Variants in TAFA2 observed in about 807,000 individuals in gnomAD.
TAFA2 encodes chemokine-like protein TAFA-2.
A neutral mutation model predicts 18.8 loss-of-function variants in TAFA2; 7 were observed. That is an observed-to-expected ratio of 0.37 (90% CI 0.21 to 0.70). The LOEUF (loss-of-function observed/expected upper bound fraction) is 0.70, where lower values mean the gene tolerates loss of function less well. Ranked by LOEUF, TAFA2 falls within the 30% of genes least tolerant of loss-of-function variation. The pLI is 0.53. For synonymous variants in TAFA2, 60 were observed against 54.2 expected (o/e 1.11, Z -0.47); for missense variants, 122 against 158.1 (o/e 0.77, Z 1.23).
intron 1 of TAFA2, among the ~76,000 whole-genome samples, chr12:62,008,788 C>A (rs1003807943): frequency 6.6e-6 from 1 of 152,156 alleles, no homozygotes; most frequent in African/African-American, 2.4e-5. Context: ...GGTGTTTTGA[C>A]AAATGCCTGA....
At chr12:61,962,302 C>A (rs779672230) in intron 1 of TAFA2, among the ~76,000 whole-genome samples, 1 of 151,974 alleles carries the variant, frequency 6.6e-6, no homozygotes, top group Non-Finnish European at 1.5e-5. Context: ...TTATTTTATA[C>A]ATTAAAGGCT....
intron 1 of TAFA2, among the ~76,000 whole-genome samples, chr12:62,168,914 A>C (rs2062457781): frequency 6.7e-6 from 1 of 149,186 alleles, no homozygotes; most frequent in African/African-American, 2.5e-5. Context: ...AATTGAAACA[A>C]GCACTCACTC....
At chr12:61,724,752 T>C (rs1323776330) in intron 4 of TAFA2, among the ~76,000 whole-genome samples, 2 of 34,042 alleles carry the variant, frequency 5.9e-5, no homozygotes, top group African/African-American at 1.6e-4. Flanking sequence ...GGTATGTCTA[T>C]GTGTGTGTGT....
chr12:61,842,545 T>A (rs1465133062), intron 2 of TAFA2, among the ~76,000 whole-genome samples: 1 of 151,952 alleles, frequency 6.6e-6, no homozygotes, highest in East Asian at 1.9e-4. Flanking sequence ...TTTATAATGA[T>A]CCCATTTAAA....
intron 2 of TAFA2, among the ~76,000 whole-genome samples, chr12:61,815,181 TAG>T (rs1872028409): frequency 6.6e-6 from 1 of 151,462 alleles, no homozygotes; most frequent in Non-Finnish European, 1.5e-5. Context: ...ATATATTTTC[TAG>T]GAAGATAGGC....
intron 2 of TAFA2, among the ~76,000 whole-genome samples, chr12:61,837,483 A>G (rs1872982266): frequency 6.6e-6 from 1 of 152,042 alleles, no homozygotes; most frequent in South Asian, 2.1e-4. Context: ...CCCTTGGTGT[A>G]GACAGCATGT....
rs917551155 is a variant in TAFA2, at chr12:62,191,729, G to A, written c.-472C>T. On this transcript the variant is annotated 5_prime_UTR_variant, in exon 1 of 5. Transcript: ENST00000416284. ...GGACTGCAAGAATCAAGGCGGTCTTGCTGCAATTACCGCTCTTATTCCATC... is the reference window on the plus strand; with the variant it reads ...GGACTGCAAGAATCAAGGCGGTCTTACTGCAATTACCGCTCTTATTCCATC... The A allele has an allele frequency of 6.6e-6, 1 of 152,238 alleles. No homozygotes were observed. The highest frequency in any genetic ancestry group is 1.5e-5 in the Non-Finnish European group (1 of 68,076). The allele number at this position is 152,238 out of a possible 1,614,324, so 9.4% of individuals were successfully genotyped here.
At chr12:61,906,805 T>C (rs547123939) in intron 1 of TAFA2, among the ~76,000 whole-genome samples, 1 of 152,266 alleles carries the variant, frequency 6.6e-6, no homozygotes, top group East Asian at 1.9e-4. Flanking sequence ...AGGAACTTGT[T>C]GGGAACTGGA....
At chr12:61,949,870 C>T (rs1205559764) in intron 1 of TAFA2, among the ~76,000 whole-genome samples, 1 of 152,110 alleles carries the variant, frequency 6.6e-6, no homozygotes, top group Non-Finnish European at 1.5e-5. Flanking sequence ...ATCTTCAAAA[C>T]TTTTTCATCT....
At chr12:62,141,150 A>G (rs2062236589) in intron 1 of TAFA2, among the ~76,000 whole-genome samples, 1 of 152,230 alleles carries the variant, frequency 6.6e-6, no homozygotes, top group Non-Finnish European at 1.5e-5. Context: ...TGCCTGAAAT[A>G]CCTTGAACAA....
intron 1 of TAFA2, among the ~76,000 whole-genome samples, chr12:62,156,717 T>A (rs892310529): frequency 6.6e-6 from 1 of 152,086 alleles, no homozygotes. Flanking sequence ...CAACCAGACA[T>A]CATATGCTCT....
intron 2 of TAFA2, among the ~76,000 whole-genome samples, chr12:61,785,359 G>T (rs927859131): frequency 1.4e-5 from 2 of 143,792 alleles, no homozygotes; most frequent in African/African-American, 2.6e-5. Context: ...GTGTGTGTGT[G>T]TTTGTGTGTG....
At chr12:62,231,976 AG>A (rs1180058390) in intron 1 of TAFA2, among the ~76,000 whole-genome samples, 70 of 152,280 alleles carry the variant, frequency 4.6e-4, no homozygotes, top group Non-Finnish European at 1.0e-4. Flanking sequence ...CAAAGATTAC[AG>A]GCCTGATCTT....
At chr12:62,048,458 T>C (rs1881966020) in intron 1 of TAFA2, among the ~76,000 whole-genome samples, 2 of 152,180 alleles carry the variant, frequency 1.3e-5, no homozygotes, top group South Asian at 4.1e-4. Context: ...ATTCTGGGGA[T>C]TTTAATTCAA....
At chr12:62,017,451 T>C (rs1188652551) in intron 1 of TAFA2, among the ~76,000 whole-genome samples, 1 of 152,158 alleles carries the variant, frequency 6.6e-6, no homozygotes, top group East Asian at 1.9e-4. Flanking sequence ...TGGCAGCTAC[T>C]GCAATACGCA....
At chr12:61,982,732 A>G (rs1433790990) in intron 1 of TAFA2, among the ~76,000 whole-genome samples, 5 of 152,084 alleles carry the variant, frequency 3.3e-5, no homozygotes, top group African/African-American at 1.2e-4. Context: ...ATCCTCAAAC[A>G]TATTCATTTA....
chr12:61,996,154 A>T (rs1341297118), intron 1 of TAFA2, among the ~76,000 whole-genome samples: 1 of 152,188 alleles, frequency 6.6e-6, no homozygotes, highest in South Asian at 2.1e-4. Context: ...AATAATAAAG[A>T]AGTATTTATT....
At chr12:61,759,964 G>C (rs1249094459) in intron 2 of TAFA2, among the ~76,000 whole-genome samples, 2 of 151,788 alleles carry the variant, frequency 1.3e-5, no homozygotes, top group Non-Finnish European at 2.9e-5. Flanking sequence ...GGGAAAGAGA[G>C]GTATGCCCTC....
chr12:61,919,020 A>C (rs1876938976), intron 1 of TAFA2, among the ~76,000 whole-genome samples: 3 of 152,218 alleles, frequency 2.0e-5, no homozygotes, highest in Admixed American at 1.3e-4. Flanking sequence ...TTAAATAAGA[A>C]AGTGTGTGTA....
Sources: gnomAD v4.1 joint callset for allele counts (sites outside exome capture counted in the v4.1 genomes callset) on GRCh38, gnomAD v4.1.1 for gene constraint, MANE v1.5 for transcripts, NCBI Gene and HGNC (gene_info 2026-07-23, HGNC 2026-07-21) for gene names.